MAP3K13: variants seen among roughly 807,000 people sequenced by gnomAD.
MAP3K13 encodes leucine zipper-bearing kinase.
Under a neutral mutation model 104.0 loss-of-function variants are expected in MAP3K13, and 52 were observed. The ratio of observed to expected loss-of-function variants is 0.50; its 90% CI spans 0.40 to 0.63. The LOEUF (loss-of-function observed/expected upper bound fraction) is 0.63, where lower values mean the gene tolerates loss of function less well. Among genes scored for constraint, MAP3K13 ranks in the 20% least tolerant of loss-of-function variants. The pLI is 0.00. For missense variants in MAP3K13, 914 were observed against 1,218.5 expected (o/e 0.75, Z 3.72); for synonymous variants, 394 against 442.2 (o/e 0.89, Z 1.37).
At chr3:185,289,973 T>C (rs929947490) in intron 2 of MAP3K13, among the ~76,000 whole-genome samples, 2 of 152,206 alleles carry the variant, frequency 1.3e-5, no homozygotes, top group African/African-American at 4.8e-5. Context: ...TCCAGTCTAT[T>C]AATTAAGTTT....
At chr3:185,321,893 C>G (rs1476409723) in intron 2 of MAP3K13, among the ~76,000 whole-genome samples, 1 of 152,208 alleles carries the variant, frequency 6.6e-6, no homozygotes, top group Non-Finnish European at 1.5e-5. Flanking sequence ...CGTGAGCCAC[C>G]ACGCCCGGCC....
chr3:185,352,709 AT>A (rs1207939213), intron 2 of MAP3K13, among the ~76,000 whole-genome samples: 1 of 152,236 alleles, frequency 6.6e-6, no homozygotes, highest in Non-Finnish European at 1.5e-5. Context: ...CATTAAAAAA[AT>A]GTATACTTGA....
rs1272047475 is a variant in MAP3K13 at position 185,455,052 on chromosome 3, TATATGTGAG to T, written c.1278+3662_1278+3670del. On this transcript the variant is annotated intron_variant, in intron 7 of 13. Transcript: ENST00000265026. ...AGATATATATGATATATATATGAGA[TATATGTGAG>T]ATATATATGAGATATATGTGAGATA... is the stretch of plus-strand genomic sequence containing the variant. 6.5e-4 allele frequency among the ~76,000 whole-genome samples: 62 copies of T among 94,704 alleles called. 4 individuals are homozygous for T. Among genetic ancestry groups the T allele is most frequent in the African/African-American group, 2.0e-3 (53 of 26,218 alleles). 62.1% of individuals were successfully genotyped at this position (94,704 alleles called of 152,430 possible).
chr3:185,398,791 C>G (rs1224770307), intron 1 of MAP3K13, among the ~76,000 whole-genome samples: 1 of 152,182 alleles, frequency 6.6e-6, no homozygotes, highest in Admixed American at 6.5e-5. Flanking sequence ...GAATCAGACT[C>G]ATTTTCTCTA....
intron 1 of MAP3K13, among the ~76,000 whole-genome samples, chr3:185,368,304 C>A (rs989656548): frequency 6.6e-6 from 1 of 152,162 alleles, no homozygotes; most frequent in South Asian, 2.1e-4. Flanking sequence ...AATTTTCAAA[C>A]CCAGCTTTAA....
chr3:185,411,012 A>T (rs564003399), intron 1 of MAP3K13, among the ~76,000 whole-genome samples: 2 of 152,238 alleles, frequency 1.3e-5, no homozygotes, highest in African/African-American at 4.8e-5. Context: ...TGTTTATGTT[A>T]TACCCATTCC....
chr3:185,408,693 G>A (rs1713259522), intron 1 of MAP3K13, among the ~76,000 whole-genome samples: 1 of 152,164 alleles, frequency 6.6e-6, no homozygotes, highest in African/African-American at 2.4e-5. Flanking sequence ...AACTGTCAAA[G>A]ACTTCACAGC....
At chr3:185,409,299 C>T (rs757032928) in intron 1 of MAP3K13, among the ~76,000 whole-genome samples, 7 of 152,126 alleles carry the variant, frequency 4.6e-5, no homozygotes, top group Non-Finnish European at 5.9e-5. Context: ...ACCCAGGAGG[C>T]GGAGGTCACA....
chr3:185,418,623 G>C lies in MAP3K13; in HGVS notation c.-85-9874G>C. The C allele has an allele frequency of 6.2e-7, 1 of 1,612,106 alleles. No individual in the cohort carries two copies. The highest frequency in any genetic ancestry group is 8.5e-7 in the Non-Finnish European group (1 of 1,179,490). On this transcript the variant is annotated intron_variant, in intron 1 of 13. Transcript: ENST00000265026. This position sits in a 1 kb window ranked among gnomAD's most constrained non-coding sequence, Gnocchi z 4.5. ...GATGACCTGCTAATTCACTGGCAGC[G>C]TAGGGCTGTCTGTTGTTTTTGCGCA...
intron 2 of MAP3K13, among the ~76,000 whole-genome samples, chr3:185,294,735 G>A (rs1393246579): frequency 6.6e-6 from 1 of 152,140 alleles, no homozygotes; most frequent in Non-Finnish European, 1.5e-5. Flanking sequence ...AAATGGCATT[G>A]GTATTACTAC....
At position 185,368,687 on chromosome 3, in the gene MAP3K13, T is replaced by A. The variant is rs142987420; in HGVS notation, c.-86+5319T>A. 3.3e-5 allele frequency among the ~76,000 whole-genome samples: 5 copies of A among 152,280 alleles called. No individual in the cohort carries two copies. The East Asian group carries it at 9.6e-4, about 29-fold the overall frequency. On this transcript the variant is annotated intron_variant, in intron 1 of 13. Coordinates refer to ENST00000265026, the MANE Select transcript of MAP3K13 (RefSeq NM_004721.5). ...AGAAAAGATGAACTTTCAGGTGCGG[T>A]GGCTCACACCTGTAAGCCCAGCACT... is the stretch of plus-strand genomic sequence containing the variant.
intron 11 of MAP3K13, among the ~76,000 whole-genome samples, chr3:185,476,807 T>C (rs944936718): frequency 1.3e-5 from 2 of 152,344 alleles, no homozygotes; most frequent in Admixed American, 6.5e-5. Flanking sequence ...ATTGTATTAA[T>C]GGAGTGAGGC....
upstream of MAP3K13, among the ~76,000 whole-genome samples, chr3:185,361,139 CATATACAT>C (rs1242999464): frequency 6.8e-6 from 1 of 147,264 alleles, no homozygotes; most frequent in Non-Finnish European, 1.5e-5. Context: ...CACATATATA[CATATACAT>C]ATATACAGAT....
In MAP3K13 at chr3:185,376,900, C is replaced by G. The variant is rs1009677813; in HGVS notation, c.-86+13532C>G. Among the ~76,000 whole-genome samples, 5 of 152,064 alleles carry G rather than the reference C, an allele frequency of 3.3e-5. No individual in the cohort carries two copies. In the East Asian group the frequency reaches 9.6e-4, roughly 29 times the overall value. Reference sequence around the variant, plus strand: ...AAAGTAATGGGGGCTGTCTGTGAAGCCTTGTGGAGTACAGCCCAGGTAATT... The same window carrying G: ...AAAGTAATGGGGGCTGTCTGTGAAGGCTTGTGGAGTACAGCCCAGGTAATT... On this transcript the variant is annotated intron_variant, in intron 1 of 13. Coordinates refer to ENST00000265026, the MANE Select transcript of MAP3K13 (RefSeq NM_004721.5).
chr3:185,470,753 T>C (rs1693237532), intron 10 of MAP3K13, among the ~76,000 whole-genome samples: 1 of 152,180 alleles, frequency 6.6e-6, no homozygotes, highest in African/African-American at 2.4e-5. Context: ...TCATCAAACA[T>C]GTATTTTGAT....
At chr3:185,307,820 G>A (rs1721350068) in intron 2 of MAP3K13, among the ~76,000 whole-genome samples, 1 of 151,836 alleles carries the variant, frequency 6.6e-6, no homozygotes, top group Admixed American at 6.6e-5. Context: ...GGGATTACAG[G>A]CATGAGCCAC....
intron 2 of MAP3K13, among the ~76,000 whole-genome samples, chr3:185,432,250 G>A (rs1714786306): frequency 6.8e-6 from 1 of 148,134 alleles, no homozygotes; most frequent in Non-Finnish European, 1.5e-5. Flanking sequence ...AGCGCAATGG[G>A]TGTGATCTTG....
chr3:185,455,965 A>G (rs543435738), intron 7 of MAP3K13, among the ~76,000 whole-genome samples: 1 of 145,742 alleles, frequency 6.9e-6, no homozygotes, highest in East Asian at 2.0e-4. Context: ...TATATATGAT[A>G]TGTATGAGAT....
rs996694094 is a variant in MAP3K13 at position 185,293,670 on chromosome 3, C to T, written c.-86+8027C>T. On this transcript the variant is annotated intron_variant, in intron 2 of 14. Coordinates refer to the MAP3K13 transcript ENST00000424227. ...GAACTCCTGAGCTCAAGCGATCCAC[C>T]CGCCTTGGCCTCCCAAAGTGCTGGG... Among the ~76,000 whole-genome samples the T allele has an allele frequency of 1.1e-4, 16 of 152,300 alleles. No individual in the cohort carries two copies. In the Middle Eastern group the frequency reaches 0.01, roughly 97 times the overall value.
Sources: allele counts gnomAD v4.1 joint callset (sites outside exome capture counted in the v4.1 genomes callset), GRCh38; gene constraint gnomAD v4.1.1; non-coding constraint Gnocchi (gnomAD v3.1); transcripts MANE v1.5; gene names NCBI Gene and HGNC (gene_info 2026-07-23, HGNC 2026-07-21).